SEMA3D: variants seen among roughly 807,000 people sequenced by gnomAD.
The protein encoded by SEMA3D is semaphorin-3D.
Under a neutral mutation model 100.1 loss-of-function variants are expected in SEMA3D, and 84 were observed. The observed-to-expected ratio is 0.84, with a 90% CI of 0.70 to 1.01. SEMA3D has a LOEUF of 1.01. Ranked by LOEUF, SEMA3D falls within the 50% of genes least tolerant of loss-of-function variation. SEMA3D has a pLI of 0.00. For missense variants in SEMA3D, 875 were observed against 934.1 expected (o/e 0.94, Z 0.82); for synonymous variants, 312 against 320.7 (o/e 0.97, Z 0.29).
chr7:85,109,746 A>G (rs1789039247), intron 3 of SEMA3D, among the ~76,000 whole-genome samples: 1 of 151,972 alleles, frequency 6.6e-6, no homozygotes, highest in Admixed American at 6.6e-5. Flanking sequence ...CATTGAATTT[A>G]TATTCATACA....
chr7:85,159,190 A>C (rs1024541932), intron 1 of SEMA3D, among the ~76,000 whole-genome samples: 3 of 152,158 alleles, frequency 2.0e-5, no homozygotes, highest in Non-Finnish European at 2.9e-5. Context: ...TAAACACATA[A>C]ATCAACTGTC....
At chr7:85,216,389 G>GTGA in the SEMA3D span, among the ~76,000 whole-genome samples, 2 of 150,556 alleles carry the variant, frequency 1.3e-5, no homozygotes, top group Non-Finnish European at 3.0e-5. Flanking sequence ...GTGTGTGTGT[G>GTGA]AAAAAATCAT....
At chr7:85,090,311 C>A (rs1788346407) in intron 4 of SEMA3D, among the ~76,000 whole-genome samples, 2 of 152,112 alleles carry the variant, frequency 1.3e-5, no homozygotes, top group African/African-American at 4.8e-5. Context: ...CAGTCCATTA[C>A]AGTAACCAGA....
intron 7 of SEMA3D, among the ~76,000 whole-genome samples, chr7:85,066,601 T>G (rs1272469763): frequency 6.6e-6 from 1 of 152,018 alleles, no homozygotes; most frequent in African/African-American, 2.4e-5. Flanking sequence ...TCAAGAAACT[T>G]CTTAGTCAAC....
At chr7:85,010,850 T>C (rs1472920525) in intron 17 of SEMA3D, among the ~76,000 whole-genome samples, 1 of 151,268 alleles carries the variant, frequency 6.6e-6, no homozygotes, top group African/African-American at 2.4e-5. Context: ...TAGCCTCTGA[T>C]AGTGTTGAAA....
intron 3 of SEMA3D, among the ~76,000 whole-genome samples, chr7:85,106,419 C>T (rs1788924810): frequency 6.6e-6 from 1 of 151,726 alleles, no homozygotes; most frequent in Admixed American, 6.6e-5. Context: ...GACAATATGA[C>T]AAGACAAATA....
intron 6 of SEMA3D, among the ~76,000 whole-genome samples, chr7:85,072,508 G>T (rs755816186): frequency 1.3e-5 from 2 of 152,082 alleles, no homozygotes; most frequent in Non-Finnish European, 2.9e-5. Flanking sequence ...AAAAAGGAAA[G>T]TCAAGAGAAT....
Position 85,097,958 on chromosome 7 carries a change from C to A in SEMA3D, c.159G>T (p.Leu53=). ...PRLKLTYKDL[L]LSNSCIPFLG... ...AAAAGGGAATACAGCTATTTGAAAG[C>A]AGCAAGTCTATGGAAAGCAAAAAAA... The change falls in exon 4 of 19, where the codon CTG becomes CTT. Residue 53 remains leucine, a synonymous_variant. Coordinates refer to ENST00000284136, the MANE Select transcript of SEMA3D (RefSeq NM_001384900.1). The A allele has an allele frequency of 6.5e-7, 1 of 1,539,230 alleles. No individual in the cohort carries two copies. The highest frequency in any genetic ancestry group is 8.8e-7 in the Non-Finnish European group (1 of 1,140,418).
At chr7:85,226,323 T>C in the SEMA3D span, among the ~76,000 whole-genome samples, 26 of 152,182 alleles carry the variant, frequency 1.7e-4, no homozygotes, top group Admixed American at 1.4e-3. Flanking sequence ...AAAATAAAAT[T>C]GCAACTTCAT....
At chr7:85,048,350 A>G (rs1194218972) in intron 9 of SEMA3D, among the ~76,000 whole-genome samples, 1 of 151,764 alleles carries the variant, frequency 6.6e-6, no homozygotes, top group East Asian at 1.9e-4. Context: ...AATGATCTGC[A>G]TGGGGCTGTA....
intron 12 of SEMA3D, 22 bp downstream of exon 12, chr7:85,036,867 G>A (rs769385428): frequency 6.4e-7 from 1 of 1,561,942 alleles, no homozygotes; most frequent in Non-Finnish European, 8.7e-7. Flanking sequence ...AAAATAATTT[G>A]ATTATTAAGT....
At chr7:85,006,521 T>C (rs529041887) in intron 18 of SEMA3D, among the ~76,000 whole-genome samples, 2 of 151,970 alleles carry the variant, frequency 1.3e-5, no homozygotes, top group Non-Finnish European at 2.9e-5. Context: ...CAGGGATTTG[T>C]TCCTAAATAT....
the SEMA3D span, among the ~76,000 whole-genome samples, chr7:85,231,435 C>CT: frequency 5.8e-5 from 8 of 137,858 alleles, no homozygotes; most frequent in Non-Finnish European, 9.1e-5. Context: ...CCAATCTTTC[C>CT]CTTTTTTTTT....
intron 5 of SEMA3D, among the ~76,000 whole-genome samples, chr7:85,076,307 T>C (rs1214109970): frequency 1.3e-5 from 2 of 152,042 alleles, no homozygotes; most frequent in Non-Finnish European, 2.9e-5. Flanking sequence ...AATATCAACT[T>C]TTTAATTATC....
the SEMA3D span, among the ~76,000 whole-genome samples, chr7:85,228,100 T>C: frequency 6.6e-5 from 10 of 152,286 alleles, no homozygotes; most frequent in South Asian, 2.1e-3. Flanking sequence ...TTTTTATAAA[T>C]TTTATGATGA....
At chr7:85,202,514 T>C in the SEMA3D span, among the ~76,000 whole-genome samples, 1 of 152,014 alleles carries the variant, frequency 6.6e-6, no homozygotes. Context: ...ACTAAAGAGC[T>C]TCTGCACCGC....
chr7:85,125,663 CTTTG>C (rs1001914910), intron 2 of SEMA3D, among the ~76,000 whole-genome samples: 4 of 152,030 alleles, frequency 2.6e-5, no homozygotes, highest in Non-Finnish European at 4.4e-5. Flanking sequence ...GGTCCTGATT[CTTTG>C]TTTTTCTTCC....
rs113868143 is a variant in SEMA3D, at chr7:85,084,151, G to GA, written c.313-2573dup. ...GACAGAGCGAGACTCCATCTCAAAA[G>GA]AAAAAAAAAAAATTGCATCTTGAAT... On this transcript the variant is annotated intron_variant, in intron 4 of 18. Coordinates refer to ENST00000284136, the MANE Select transcript of SEMA3D (RefSeq NM_001384900.1). Among the ~76,000 whole-genome samples the GA allele has an allele frequency of 2.1e-3, 297 of 141,678 alleles. 1 individual carries two copies. The highest frequency in any genetic ancestry group is 0.013 in the East Asian group (65 of 4,860). The allele number at this position is 141,678 out of a possible 152,430, so 92.9% of individuals were successfully genotyped here. A position where few individuals can be genotyped will look rare whatever the true frequency, so the allele number is the denominator to read the frequency against.
chr7:85,234,047 T>A, the SEMA3D span, among the ~76,000 whole-genome samples: 1 of 152,222 alleles, frequency 6.6e-6, no homozygotes, highest in Admixed American at 6.5e-5. Flanking sequence ...GAATGTATTC[T>A]TGACTTTTAA....
Sources: gnomAD v4.1 joint callset for allele counts (sites outside exome capture counted in the v4.1 genomes callset) on GRCh38, gnomAD v4.1.1 for gene constraint, MANE v1.5 for transcripts, NCBI Gene and HGNC (gene_info 2026-07-23, HGNC 2026-07-21) for gene names.